The following MYT1L variants were observed in gnomAD, a reference collection of about 807,000 sequenced individuals.
MYT1L encodes myelin transcription factor 1 like, also known as myelin transcription factor 1-like protein.
Under a neutral mutation model 126.7 loss-of-function variants are expected in MYT1L, and 12 were observed. The observed-to-expected ratio is 0.09, with a 90% confidence interval of 0.06 to 0.15. The LOEUF (loss-of-function observed/expected upper bound fraction) is 0.15, where lower values mean the gene tolerates loss of function less well. MYT1L is among the 10% of genes least tolerant of loss of function. The pLI is 1.00. For missense variants in MYT1L, 979 were observed against 1,585.2 expected, an observed-to-expected ratio of 0.62 and a Z score of 6.49; for synonymous variants, 541 against 604.2, an observed-to-expected ratio of 0.90 and a Z score of 1.53.
chr2:1,940,942 G>A (rs904728529), intron 9 of MYT1L, among the ~76,000 whole-genome samples: 5 of 152,212 alleles, frequency 3.3e-5, no homozygotes, highest in African/African-American at 9.6e-5. Flanking sequence ...CTTTGGCGGT[G>A]CTGTCACACA....
intron 22 of MYT1L, among the ~76,000 whole-genome samples, chr2:1,804,519 C>G (rs1180590449): frequency 6.6e-6 from 1 of 152,190 alleles, no homozygotes; most frequent in Non-Finnish European, 1.5e-5. Context: ...AGGGCCCAGC[C>G]AAAAAGCAGC....
chr2:2,189,346 T>C (rs911930478), intron 2 of MYT1L, among the ~76,000 whole-genome samples: 4 of 152,162 alleles, frequency 2.6e-5, no homozygotes, highest in Non-Finnish European at 4.4e-5. Flanking sequence ...GGGTCTTCCC[T>C]CATGCAACTA....
At chr2:2,133,453 T>C (rs1409204319) in intron 3 of MYT1L, among the ~76,000 whole-genome samples, 1 of 152,242 alleles carries the variant, frequency 6.6e-6, no homozygotes, top group East Asian at 1.9e-4. Context: ...TTTAAGTTAC[T>C]GCTATTTGTG....
intron 3 of MYT1L, among the ~76,000 whole-genome samples, chr2:2,133,069 C>T (rs543914163): frequency 2.0e-5 from 3 of 152,160 alleles, no homozygotes; most frequent in Non-Finnish European, 2.9e-5. Flanking sequence ...CTGTACACAC[C>T]GTCTTCTTTG....
intron 9 of MYT1L, among the ~76,000 whole-genome samples, chr2:1,938,963 A>G (rs1573774530): frequency 6.6e-6 from 1 of 152,352 alleles, no homozygotes; most frequent in East Asian, 1.9e-4. Flanking sequence ...CTGAAACAAA[A>G]CCTCTTAGTA....
chr2:2,129,901 A>G (rs185198041), intron 3 of MYT1L, among the ~76,000 whole-genome samples: 2 of 129,758 alleles, frequency 1.5e-5, no homozygotes, highest in East Asian at 2.3e-4. Flanking sequence ...GCGAGACTCC[A>G]TCTCAAAAAA....
At chr2:2,045,579 A>AT (rs1293240921) in intron 4 of MYT1L, among the ~76,000 whole-genome samples, 2 of 152,122 alleles carry the variant, frequency 1.3e-5, no homozygotes, top group Non-Finnish European at 2.9e-5. Flanking sequence ...TATTTTATTT[A>AT]TTTTTTCTTA....
chr2:2,204,705 G>C (rs1380149801), intron 2 of MYT1L, among the ~76,000 whole-genome samples: 4 of 151,664 alleles, frequency 2.6e-5, no homozygotes, highest in Admixed American at 6.6e-5. Flanking sequence ...TCAGTGTGGC[G>C]ATTCCTCAGG....
intron 1 of MYT1L, among the ~76,000 whole-genome samples, chr2:2,316,951 C>T (rs1005666958): frequency 1.1e-4 from 17 of 151,686 alleles, no homozygotes; most frequent in Admixed American, 1.1e-3. Context: ...GCTGGAACTA[C>T]AGGCATCCAC....
intron 2 of MYT1L, among the ~76,000 whole-genome samples, chr2:2,232,726 T>C (rs2094190687): frequency 6.6e-6 from 1 of 152,180 alleles, no homozygotes; most frequent in Non-Finnish European, 1.5e-5. Flanking sequence ...AGTTTAAGGA[T>C]GATGATATAC....
chr2:1,979,051 C>T lies in MYT1L; in HGVS notation c.152+114G>A. The T allele has an allele frequency of 1.3e-6, 1 of 778,362 alleles. No individual in the cohort carries two copies. The highest frequency in any genetic ancestry group is 2.2e-6 in the Non-Finnish European group (1 of 464,550). 48.2% of individuals were successfully genotyped at this position (778,362 alleles called of 1,614,324 possible). On this transcript the variant is annotated intron_variant, in intron 8 of 24. Coordinates refer to ENST00000647738, the MANE Select transcript of MYT1L (RefSeq NM_001303052.2). This position sits in a 1 kb window ranked among gnomAD's most constrained non-coding sequence, Gnocchi z 4.0. ...TTCCAGTGTGAGAAGAAAAAGAAGG[C>T]ATAATGTGTATTGCTTTCCAAGAAC...
intron 3 of MYT1L, among the ~76,000 whole-genome samples, chr2:2,167,434 T>C (rs1447540356): frequency 6.6e-6 from 1 of 152,190 alleles, no homozygotes; most frequent in African/African-American, 2.4e-5. Context: ...CAACTTCTCC[T>C]GGACTCTGTC....
chr2:1,805,724 A>C (rs914266862), intron 22 of MYT1L, among the ~76,000 whole-genome samples: 17 of 152,132 alleles, frequency 1.1e-4, no homozygotes, highest in African/African-American at 4.1e-4. Flanking sequence ...CATCTCTACC[A>C]AAAATACAAA....
chr2:1,951,644 G>A (rs2057761312), intron 8 of MYT1L, among the ~76,000 whole-genome samples: 1 of 152,234 alleles, frequency 6.6e-6, no homozygotes, highest in African/African-American at 2.4e-5. Flanking sequence ...AACCGCGGGA[G>A]ATGTATTTAC....
At chr2:1,823,675 T>C (rs575434888) in intron 21 of MYT1L, among the ~76,000 whole-genome samples, 1 of 151,110 alleles carries the variant, frequency 6.6e-6, no homozygotes, top group Admixed American at 6.6e-5. Context: ...TGAGTGCCTG[T>C]AGGAAGACCC....
chr2:1,971,217 G>A (rs2059785745), intron 8 of MYT1L, among the ~76,000 whole-genome samples: 1 of 152,056 alleles, frequency 6.6e-6, no homozygotes, highest in South Asian at 2.1e-4. Context: ...CATGCTCTAA[G>A]ATGCATTACA....
intron 4 of MYT1L, among the ~76,000 whole-genome samples, chr2:2,014,629 A>C (rs1008462150): frequency 4.3e-4 from 65 of 152,300 alleles, no homozygotes; most frequent in African/African-American, 1.5e-3. Flanking sequence ...ACCCTGCCTG[A>C]CTCTGATTCA....
chr2:2,287,315 G>T (rs1227955398), intron 1 of MYT1L, among the ~76,000 whole-genome samples: 1 of 151,856 alleles, frequency 6.6e-6, no homozygotes, highest in Admixed American at 6.6e-5. Context: ...GAGCTTACAA[G>T]ACTTTAGGTA....
At chr2:1,832,000 A>G (rs2040259918) in intron 21 of MYT1L, among the ~76,000 whole-genome samples, 1 of 152,118 alleles carries the variant, frequency 6.6e-6, no homozygotes, top group Admixed American at 6.5e-5. Context: ...GTCCCACAGA[A>G]TCTCAAGTTC....
Sources: allele counts gnomAD v4.1 joint callset (sites outside exome capture counted in the v4.1 genomes callset), GRCh38; gene constraint gnomAD v4.1.1; non-coding constraint Gnocchi (gnomAD v3.1); transcripts MANE v1.5; gene names NCBI Gene and HGNC (gene_info 2026-07-23, HGNC 2026-07-21).